Variants in CLVS1 observed in about 807,000 individuals in gnomAD.
The protein encoded by CLVS1 is clavesin-1.
Under a neutral mutation model 33.1 loss-of-function variants are expected in CLVS1, and 10 were observed. The observed-to-expected ratio is 0.30, with a 90% CI of 0.19 to 0.51. The LOEUF is 0.51. CLVS1 is among the 20% of genes least tolerant of loss of function. CLVS1 has a pLI of 0.97. For missense variants in CLVS1, 343 were observed against 433.4 expected, an observed-to-expected ratio of 0.79 and a Z score of 1.85; for synonymous variants, 163 against 166.1, an observed-to-expected ratio of 0.98 and a Z score of 0.14.
chr8:61,155,425 A>G (rs774682820), intron 2 of CLVS1, among the ~76,000 whole-genome samples: 25 of 152,340 alleles, frequency 1.6e-4, no homozygotes, highest in Non-Finnish European at 2.8e-4. Context: ...TTATGAAGGT[A>G]ACACCAGGAA....
At position 61,334,103 on chromosome 8, in the gene CLVS1, G is replaced by A. The variant is rs576820908; in HGVS notation, c.455+33821G>A. On this transcript the variant is annotated intron_variant, in intron 2 of 5. Transcript: ENST00000325897. ...CATTTTCTTTATGCAGTCTATCACTGATGGACATTTAGGTTGATTTAGATT... is the reference window on the plus strand; with the variant it reads ...CATTTTCTTTATGCAGTCTATCACTAATGGACATTTAGGTTGATTTAGATT... Among the ~76,000 whole-genome samples the A allele has an allele frequency of 2.4e-4, 36 of 152,276 alleles. No individual in the cohort carries two copies. In the South Asian group the frequency reaches 7.0e-3, roughly 30 times the overall value.
chr8:61,071,522 C>A (rs970119965), intron 1 of CLVS1, among the ~76,000 whole-genome samples: 1 of 152,186 alleles, frequency 6.6e-6, no homozygotes, highest in Non-Finnish European at 1.5e-5. Flanking sequence ...TTAGGGTCTA[C>A]CTAGATGGTT....
chr8:61,354,870 G>A (rs906789575), intron 2 of CLVS1, among the ~76,000 whole-genome samples: 3 of 152,130 alleles, frequency 2.0e-5, no homozygotes, highest in African/African-American at 7.2e-5. Flanking sequence ...TGTTGGGATG[G>A]ATCTGTTTAG....
At chr8:60,997,077 A>G in the CLVS1 span, among the ~76,000 whole-genome samples, 12 of 152,152 alleles carry the variant, frequency 7.9e-5, no homozygotes, top group African/African-American at 2.7e-4. Context: ...AAAAATTTAA[A>G]TTTGGATTTT....
intron 2 of CLVS1, among the ~76,000 whole-genome samples, chr8:61,330,129 C>T (rs1041603141): frequency 6.6e-6 from 1 of 152,144 alleles, no homozygotes; most frequent in Non-Finnish European, 1.5e-5. Flanking sequence ...TTCCCCTTCC[C>T]GGTCCCTTCT....
At chr8:61,243,926 A>G (rs1808750258) in intron 2 of CLVS1, among the ~76,000 whole-genome samples, 1 of 151,920 alleles carries the variant, frequency 6.6e-6, no homozygotes, top group Non-Finnish European at 1.5e-5. Flanking sequence ...CATTTTTAAG[A>G]TCTTCTTTTC....
chr8:61,296,469 A>G (rs1810215471), intron 1 of CLVS1, among the ~76,000 whole-genome samples: 1 of 152,206 alleles, frequency 6.6e-6, no homozygotes, highest in Non-Finnish European at 1.5e-5. Flanking sequence ...AATCTTCTGT[A>G]GGGAATAAGT....
At chr8:61,462,416 G>T (rs895327550) in intron 5 of CLVS1, among the ~76,000 whole-genome samples, 5 of 152,164 alleles carry the variant, frequency 3.3e-5, no homozygotes, top group South Asian at 2.1e-4. Context: ...CTGGAGTCTT[G>T]CTCTGTCACA....
chr8:61,166,912 T>C (rs1329631316), intron 2 of CLVS1, among the ~76,000 whole-genome samples: 1 of 150,622 alleles, frequency 6.6e-6, no homozygotes, highest in Non-Finnish European at 1.5e-5. Context: ...AGAACTTTCT[T>C]CTTTGGATCC....
At chr8:61,442,430 GTTTTTATTTCTCTGAAATA>G (rs1325108575) in intron 3 of CLVS1, among the ~76,000 whole-genome samples, 1 of 152,174 alleles carries the variant, frequency 6.6e-6, no homozygotes, top group Non-Finnish European at 1.5e-5. Context: ...GTAAACATAA[GTTTTTATTTCTCTGAAATA>G]AATGCGCAGG....
intron 2 of CLVS1, among the ~76,000 whole-genome samples, chr8:61,330,566 C>G (rs1456724852): frequency 6.6e-6 from 1 of 152,164 alleles, no homozygotes; most frequent in African/African-American, 2.4e-5. Context: ...TAAATCTCCT[C>G]TCAGTTTGGT....
the CLVS1 span, among the ~76,000 whole-genome samples, chr8:61,041,722 C>G: frequency 6.6e-6 from 1 of 152,146 alleles, no homozygotes; most frequent in African/African-American, 2.4e-5. Flanking sequence ...GATTTTGTAT[C>G]CTGACACTTT....
the CLVS1 span, among the ~76,000 whole-genome samples, chr8:60,969,134 G>C: frequency 1.4e-4 from 21 of 152,274 alleles, no homozygotes; most frequent in South Asian, 4.1e-3. Context: ...CTGTAATCCA[G>C]CCAGAACCAG....
intron 3 of CLVS1, among the ~76,000 whole-genome samples, chr8:61,427,552 C>T (rs1179667946): frequency 6.6e-6 from 1 of 152,124 alleles, no homozygotes; most frequent in East Asian, 1.9e-4. Flanking sequence ...ATGACAAGTG[C>T]AATTAAATTG....
the CLVS1 span, among the ~76,000 whole-genome samples, chr8:60,980,310 A>G: frequency 6.6e-6 from 1 of 152,190 alleles, no homozygotes; most frequent in Non-Finnish European, 1.5e-5. Flanking sequence ...ATGGATGTGT[A>G]TTTAATTTAA....
intron 3 of CLVS1, among the ~76,000 whole-genome samples, chr8:61,384,090 G>C (rs115436390): frequency 6.6e-6 from 1 of 152,334 alleles, no homozygotes; most frequent in African/African-American, 2.4e-5. Context: ...GCAGGTAAGC[G>C]TGGAATAGTA....
chr8:61,076,508 T>C lies in CLVS1; in HGVS notation c.-243+19278T>C, dbSNP rs1481975542. ...TCTAACATATCAGGGAGTGTTTTTC[T>C]GCAGTGCTGGCAGGATCAAAAGTCA... On this transcript the variant is annotated intron_variant, in intron 1 of 2. Transcript: ENST00000522621. Among the ~76,000 whole-genome samples, 5 of 152,358 alleles carry C rather than the reference T, an allele frequency of 3.3e-5. No individual in the cohort carries two copies. The East Asian group carries it at 9.6e-4, about 29-fold the overall frequency.
At chr8:61,233,817 C>T (rs1808497128) in intron 2 of CLVS1, among the ~76,000 whole-genome samples, 1 of 152,258 alleles carries the variant, frequency 6.6e-6, no homozygotes, top group South Asian at 2.1e-4. Flanking sequence ...ACTCCATTCT[C>T]TGCCTGGTGG....
At chr8:61,026,403 TG>T in the CLVS1 span, among the ~76,000 whole-genome samples, 1 of 152,242 alleles carries the variant, frequency 6.6e-6, no homozygotes, top group Non-Finnish European at 1.5e-5. Flanking sequence ...TCACACAGTC[TG>T]TGACGCTTTG....
Sources: gnomAD v4.1 joint callset for allele counts (sites outside exome capture counted in the v4.1 genomes callset) on GRCh38, gnomAD v4.1.1 for gene constraint, MANE v1.5 for transcripts, NCBI Gene and HGNC (gene_info 2026-07-23, HGNC 2026-07-21) for gene names.